DGKK: variants seen among roughly 807,000 people sequenced by gnomAD.
The protein encoded by DGKK is 142 kDa diacylglycerol kinase.
DGKK carries 35 observed loss-of-function variants against 92.2 expected under a neutral mutation model. The observed-to-expected ratio is 0.38, with a 90% CI of 0.29 to 0.50. The LOEUF (loss-of-function observed/expected upper bound fraction) is 0.50. Ranked by LOEUF, DGKK falls within the 20% of genes least tolerant of loss-of-function variation. The pLI is 0.92. For missense variants in DGKK, 910 were observed against 992.2 expected (o/e 0.92, Z 1.11); for synonymous variants, 368 against 360.6 (o/e 1.02, Z -0.23).
Position 50,376,918 on chromosome X carries a change from C to A in DGKK, c.3112G>T (p.Asp1038Tyr), listed in dbSNP as rs1557223922. The change falls in exon 23 of 28, where the codon GAC (aspartate) becomes TAC (tyrosine). Residue 1038 changes from aspartate (D) to tyrosine (Y), a missense_variant and splice_region_variant. Transcript: ENST00000611977. ...CACATTTTCATTGAGTTCTCAAAGT[C>A]CTGGAGATGAATACAGTGGCATATC... Reference protein sequence around the residue: ...NAAQMLTRDRDFENSMKMWEY... With the variant: ...NAAQMLTRDRYFENSMKMWEY... 3.4e-6 allele frequency: 4 copies of A among 1,192,052 alleles called. No individual in the cohort carries two copies. The highest frequency in any genetic ancestry group is 4.5e-6 in the Non-Finnish European group (4 of 885,193).
At chrX:50,373,139 T>C (rs781987923) in intron 25 of DGKK, among the ~76,000 whole-genome samples, 1 of 112,474 alleles carries the variant, frequency 8.9e-6, no homozygotes, top group Non-Finnish European at 1.9e-5. Context: ...GTGTGCCAAG[T>C]AAGGGAAGTG....
intron 1 of DGKK, among the ~76,000 whole-genome samples, chrX:50,436,392 C>T (rs1926026100): frequency 9.0e-6 from 1 of 111,698 alleles, no homozygotes; most frequent in Non-Finnish European, 1.9e-5. Flanking sequence ...AATGACAGAG[C>T]TAAAATCTCT....
chrX:50,428,675 G>A (rs1279045190), intron 1 of DGKK, among the ~76,000 whole-genome samples: 2 of 111,614 alleles, frequency 1.8e-5, no homozygotes, highest in Non-Finnish European at 3.8e-5. Flanking sequence ...CATGATAAGA[G>A]TTCCTTAAGT....
chrX:50,419,134 A>G (rs1360499803), intron 4 of DGKK, among the ~76,000 whole-genome samples: 2 of 111,510 alleles, frequency 1.8e-5, no homozygotes, highest in African/African-American at 6.5e-5. Context: ...AGAAAGTAAC[A>G]AAGAGGTAAA....
intron 1 of DGKK, among the ~76,000 whole-genome samples, chrX:50,453,923 C>T (rs193048423): frequency 2.7e-5 from 3 of 109,949 alleles, no homozygotes; most frequent in African/African-American, 9.9e-5. Context: ...ATGCTACCTC[C>T]TCTGACCATT....
chrX:50,424,112 A>T (rs1557229439), intron 2 of DGKK, 136 bp downstream of exon 2: 1 of 449,544 alleles, frequency 2.2e-6, no homozygotes, highest in Non-Finnish European at 3.6e-6. Flanking sequence ...CAAAAGGGCA[A>T]GTTAAAAAAA....
chrX:50,393,480 A>C, intron 8 of DGKK, 145 bp from the exon 9 acceptor site: 1 of 480,534 alleles, frequency 2.1e-6, no homozygotes, highest in Non-Finnish European at 3.4e-6. Flanking sequence ...AAAAGTCAAG[A>C]TACCACCCAG....
At chrX:50,398,807 G>C (rs1377236945) in intron 8 of DGKK, among the ~76,000 whole-genome samples, 1 of 111,889 alleles carries the variant, frequency 8.9e-6, no homozygotes, top group Non-Finnish European at 1.9e-5. Context: ...TCTGCTTAAA[G>C]ACATCTTTGT....
intron 20 of DGKK, 111 bp downstream of exon 20, chrX:50,379,516 C>T: frequency 1.6e-6 from 1 of 620,340 alleles, no homozygotes; most frequent in Non-Finnish European, 2.6e-6. Flanking sequence ...CTCGGACCAC[C>T]TCCTCTTCTC....
chrX:50,389,807 A>G (rs782315537), intron 12 of DGKK, among the ~76,000 whole-genome samples: 1 of 110,479 alleles, frequency 9.1e-6, no homozygotes, highest in South Asian at 4.0e-4. Flanking sequence ...TTGGAACAAT[A>G]CACGCTGTTC....
At chrX:50,458,980 CT>C (rs1388059019) in intron 1 of DGKK, among the ~76,000 whole-genome samples, 1 of 111,405 alleles carries the variant, frequency 9.0e-6, no homozygotes, top group Non-Finnish European at 1.9e-5. Context: ...CCTCAAACAA[CT>C]TCTTCATTTT....
In DGKK at chrX:50,368,174, C is replaced by T. The variant is rs958957260; in HGVS notation, c.*766G>A. The T allele has an allele frequency of 9.0e-6, 1 of 110,557 alleles. No individual in the cohort carries two copies. The highest frequency in any genetic ancestry group is 3.3e-5 in the African/African-American group (1 of 30,293). 9.1% of individuals were successfully genotyped at this position (110,557 alleles called of 1,213,427 possible). A position where few individuals can be genotyped will look rare whatever the true frequency, so the allele number is the denominator to read the frequency against. ...CCAGCAAGAATGCAGGCAAACACTC[C>T]GTGGAGGCATGCAGGCTAGGATCAA... On this transcript the variant is annotated 3_prime_UTR_variant, in exon 28 of 28. Coordinates refer to ENST00000611977, the MANE Select transcript of DGKK (RefSeq NM_001013742.4).
chrX:50,375,869 G>A (rs7885780), intron 24 of DGKK, among the ~76,000 whole-genome samples, 155 bp downstream of exon 24: 6,893 of 111,545 alleles, frequency 0.062, 525 homozygotes, highest in African/African-American at 0.21. Flanking sequence ...CCTGTAACAA[G>A]TCAAGGAATG....
intron 11 of DGKK, 124 bp downstream of exon 11, chrX:50,391,313 T>C: frequency 1.0e-6 from 1 of 953,796 alleles, no homozygotes; most frequent in South Asian, 2.5e-5. Flanking sequence ...CAAATGGCTC[T>C]GCACTGAAGC....
rs782476228 is a variant in DGKK at position 50,457,284 on chromosome X, C to A, written c.645+12750G>T. Among the ~76,000 whole-genome samples, 3 of 111,714 alleles carry A rather than the reference C, an allele frequency of 2.7e-5. No homozygotes were observed. In the South Asian group the frequency reaches 1.1e-3, roughly 42 times the overall value. ...TTAGTTCTTCATTTTATAGTTGCTGCAGCTTGCTACAGGAAGATGTATTGC... is the reference window on the plus strand; with the variant it reads ...TTAGTTCTTCATTTTATAGTTGCTGAAGCTTGCTACAGGAAGATGTATTGC... On this transcript the variant is annotated intron_variant, in intron 1 of 27. Transcript: ENST00000611977.
chrX:50,446,584 A>G (rs1926312257), intron 1 of DGKK, among the ~76,000 whole-genome samples: 1 of 111,042 alleles, frequency 9.0e-6, no homozygotes, highest in African/African-American at 3.3e-5. Context: ...TGTTTTTTAA[A>G]TGTTGAGTTT....
intron 1 of DGKK, among the ~76,000 whole-genome samples, chrX:50,425,610 AT>A: frequency 9.0e-6 from 1 of 111,342 alleles, no homozygotes; most frequent in South Asian, 3.8e-4. Context: ...AACCAATTGG[AT>A]AGTACTAGTA....
chrX:50,464,298 T>TA (rs1191305794), intron 1 of DGKK, among the ~76,000 whole-genome samples: 8 of 109,937 alleles, frequency 7.3e-5, no homozygotes, highest in Non-Finnish European at 1.3e-4. Flanking sequence ...TTTTAAATCT[T>TA]AAAAAAAATT....
intron 1 of DGKK, among the ~76,000 whole-genome samples, chrX:50,462,390 CT>C (rs782504562): frequency 0.045 from 2,736 of 60,450 alleles, 53 homozygotes; most frequent in Middle Eastern, 0.08. Flanking sequence ...GAAGTGAGTG[CT>C]TTTTTTTTTT....
Sources: gnomAD v4.1 joint callset for allele counts (sites outside exome capture counted in the v4.1 genomes callset) on GRCh38, gnomAD v4.1.1 for gene constraint, MANE v1.5 for transcripts, NCBI Gene and HGNC (gene_info 2026-07-23, HGNC 2026-07-21) for gene names.